The following GOLGB1 variants were observed in gnomAD, a reference collection of about 807,000 sequenced individuals.
GOLGB1 encodes the protein golgin subfamily B member 1.
In GOLGB1, 174 loss-of-function variants were observed where a neutral mutation model predicts 336.9. The observed-to-expected ratio is 0.52, with a 90% CI of 0.46 to 0.59. The LOEUF is 0.59. GOLGB1 is among the 20% of genes least tolerant of loss of function. The pLI, the probability that GOLGB1 is intolerant of heterozygous loss-of-function variation, is 0.00. For missense variants in GOLGB1, 3,331 were observed against 3,645.3 expected, an observed-to-expected ratio of 0.91 and a Z score of 2.22; for synonymous variants, 1,208 against 1,289.2, an observed-to-expected ratio of 0.94 and a Z score of 1.35.
chr3:121,698,745 G>C lies in GOLGB1; in HGVS notation c.1778C>G (p.Ala593Gly), dbSNP rs370176355. The C allele has an allele frequency of 8.7e-6, 14 of 1,613,128 alleles. No homozygotes were observed. In the African/African-American group the frequency reaches 1.6e-4, roughly 18 times the overall value. ...TTTCTGGTCAAGGACCTCATGATCT[G>C]CTTCCTCAGCCCTTTTTCCCTGGAG... The part of the protein sequence containing the change: ...LQLQGKRAEE[A>G]DHEVLDQKEM... Residue 593 changes from alanine to glycine, a missense_variant, in exon 13 of 22, where the codon GCA becomes GGA. Ala to Gly is a moderately conservative substitution (Grantham distance 60). Coordinates refer to ENST00000614479, the MANE Select transcript of GOLGB1 (RefSeq NM_001366282.2).
In GOLGB1 at chr3:121,694,618, A is replaced by G. The variant is rs535574194; in HGVS notation, c.5905T>C (p.Cys1969Arg). Residue 1969 changes from cysteine to arginine, a missense_variant, in exon 13 of 22, where the codon TGT becomes CGT. By Grantham distance (180) the Cys-to-Arg change is radical. Transcript: ENST00000614479. ...LESEMKNLKKCVSELEEEKQQ... is the reference protein window; with the variant it reads ...LESEMKNLKKRVSELEEEKQQ... ...TTTTCTTCTTCCAATTCACTCACAC[A>G]CTTTTTAAGGTTCTTCATTTCAGAT... 4.3e-6 allele frequency: 7 copies of G among 1,611,814 alleles called. No individual in the cohort carries two copies. Among genetic ancestry groups the G allele is most frequent in the South Asian group, 3.3e-5 (3 of 91,012 alleles).
chr3:121,718,660 G>C (rs1252823759), intron 7 of GOLGB1, among the ~76,000 whole-genome samples, 159 bp from the exon 8 acceptor site: 1 of 152,106 alleles, frequency 6.6e-6, no homozygotes, highest in Non-Finnish European at 1.5e-5. Flanking sequence ...CCCCCATCCA[G>C]CAGCAACGAA....
rs138491914 is a variant in GOLGB1 at position 121,678,162 on chromosome 3, G to A, written c.8874-712C>T. Among the ~76,000 whole-genome samples, 13 of 152,144 alleles carry A rather than the reference G, an allele frequency of 8.5e-5. No individual in the cohort carries two copies. In the East Asian group the frequency reaches 2.3e-3, roughly 27 times the overall value. On this transcript the variant is annotated intron_variant, in intron 15 of 21. Transcript: ENST00000614479. The stretch of plus-strand genomic sequence containing the variant: ...AAAAAATTTGTTCTTGTATTATCTG[G>A]GGAAGCTGCCAACTCCATGCAATGA...
chr3:121,697,073 CACT>C lies in GOLGB1; in HGVS notation c.3447_3449del (p.Val1151del). 1 of 1,613,998 alleles carries C rather than the reference CACT, an allele frequency of 6.2e-7. No homozygotes were observed. The highest frequency in any genetic ancestry group is 8.5e-7 in the Non-Finnish European group (1 of 1,179,922). Reference sequence around the variant, plus strand: ...TACCTGTACAAGGTGGACTTATCACCACTGTTTCCTTTACAAGTGCTACGGAGT... The same window carrying C: ...TACCTGTACAAGGTGGACTTATCACCGTTTCCTTTACAAGTGCTACGGAGT... On this transcript the variant is annotated inframe_deletion, in exon 13 of 22. Transcript: ENST00000614479.
chr3:121,714,588 T>C (rs1416805588), intron 10 of GOLGB1, among the ~76,000 whole-genome samples: 9 of 152,126 alleles, frequency 5.9e-5, no homozygotes, highest in Non-Finnish European at 2.9e-5. Flanking sequence ...ATGATTCATC[T>C]CCGATACAAA....
At chr3:121,733,886 T>C (rs1946292846) in intron 1 of GOLGB1, among the ~76,000 whole-genome samples, 1 of 152,340 alleles carries the variant, frequency 6.6e-6, no homozygotes, top group South Asian at 2.1e-4. Flanking sequence ...TCACACCTTA[T>C]ACAAAGCATA....
At chr3:121,741,556 T>C (rs1162348155) in intron 1 of GOLGB1, among the ~76,000 whole-genome samples, 1 of 152,218 alleles carries the variant, frequency 6.6e-6, no homozygotes, top group African/African-American at 2.4e-5. Flanking sequence ...GATTACTATA[T>C]GTGAAATGTA....
At chr3:121,730,812 T>A (rs1297881094) in intron 2 of GOLGB1, 64 bp downstream of exon 2, 4 of 1,511,336 alleles carry the variant, frequency 2.6e-6, no homozygotes, top group Non-Finnish European at 3.5e-6. Context: ...TATCTTAAAT[T>A]ATTTTCCTTA....
chr3:121,723,499 C>T (rs1286499572), intron 5 of GOLGB1, among the ~76,000 whole-genome samples: 3 of 152,100 alleles, frequency 2.0e-5, no homozygotes, highest in Non-Finnish European at 2.9e-5. Flanking sequence ...AATTATTTTC[C>T]AAGTTCAAAA....
intron 17 of GOLGB1, among the ~76,000 whole-genome samples, chr3:121,674,484 T>A (rs1375288687): frequency 2.6e-5 from 4 of 152,258 alleles, no homozygotes; most frequent in Admixed American, 2.0e-4. Flanking sequence ...TTTTTAAAAT[T>A]CATGTTTTCC....
chr3:121,702,483 T>A lies in GOLGB1; in HGVS notation c.1517A>T (p.Asn506Ile). 1.4e-6 allele frequency: 2 copies of A among 1,427,310 alleles called. No homozygotes were observed. The highest frequency in any genetic ancestry group is 5.2e-5 in the East Asian group (2 of 38,196). 88.4% of individuals were successfully genotyped at this position (1,427,310 alleles called of 1,614,324 possible). The change falls in exon 11 of 22, where the codon AAT becomes ATT. Residue 506 changes from asparagine (N) to isoleucine (I), a missense_variant and splice_region_variant. Transcript: ENST00000614479. ...SIELEELKAE[N>I]EKLSSQITLL... ...TTATGGTTTTCTTTTATACATACCA[T>A]TCTCAGCTTTCAGCTCCTCCAGCTC...
chr3:121,720,247 T>C (rs753669848), intron 6 of GOLGB1, among the ~76,000 whole-genome samples: 2 of 152,186 alleles, frequency 1.3e-5, no homozygotes, highest in African/African-American at 2.4e-5. Flanking sequence ...TACCAATCTA[T>C]CTTTCTAGTC....
At chr3:121,707,237 A>AC (rs1357437074) in intron 10 of GOLGB1, among the ~76,000 whole-genome samples, 1 of 150,850 alleles carries the variant, frequency 6.6e-6, no homozygotes. Flanking sequence ...AAAAAAAAAA[A>AC]AAAAACAAAA....
At chr3:121,722,212 T>C (rs1204481188) in intron 6 of GOLGB1, 50 bp downstream of exon 6, 1 of 1,003,474 alleles carries the variant, frequency 1.0e-6, no homozygotes, top group East Asian at 2.4e-5. Flanking sequence ...TTGTGCGTAA[T>C]AACCCACTGG....
At chr3:121,699,971 A>G in intron 11 of GOLGB1, 86 bp from the exon 12 acceptor site, 1 of 774,910 alleles carries the variant, frequency 1.3e-6, no homozygotes, top group Non-Finnish European at 2.1e-6. Context: ...TTTGAATTGT[A>G]TGAAATAATT....
chr3:121,692,790 G>C (rs1486419999), intron 13 of GOLGB1, among the ~76,000 whole-genome samples: 2 of 152,070 alleles, frequency 1.3e-5, no homozygotes, highest in Non-Finnish European at 2.9e-5. Context: ...CATACTTAAG[G>C]GTTCATATAT....
rs765161205 is a variant in GOLGB1 at position 121,695,403 on chromosome 3, T to G, written c.5120A>C (p.Glu1707Ala). Residue 1707 changes from glutamate (E) to alanine (A), a missense_variant, in exon 13 of 22, where the codon GAG becomes GCG. By Grantham distance (107) the Glu-to-Ala change is moderately radical. Transcript: ENST00000614479. Reference sequence around the variant, plus strand: ...AGCTGTATCTCCTGCAGGGTGCACCTCTGCCCTAAGCCGGTCATTCTCTTC... The same window carrying G: ...AGCTGTATCTCCTGCAGGGTGCACCGCTGCCCTAAGCCGGTCATTCTCTTC... ...LEEENDRLRAEVHPAGDTAKE... is the reference protein window; with the variant it reads ...LEEENDRLRAAVHPAGDTAKE... 3.7e-6 allele frequency: 6 copies of G among 1,613,552 alleles called. No individual in the cohort carries two copies. In the South Asian group the frequency reaches 6.6e-5, roughly 18 times the overall value.
Position 121,693,854 on chromosome 3 carries a change from C to T in GOLGB1, c.6669G>A (p.Ala2223=), listed in dbSNP as rs1163280233. The T allele has an allele frequency of 2.0e-5, 33 of 1,613,418 alleles. No homozygotes were observed. Among genetic ancestry groups the T allele is most frequent in the African/African-American group, 8.0e-5 (6 of 74,902 alleles). Residue 2223 remains alanine (A), a synonymous_variant, in exon 13 of 22, where the codon GCG becomes GCA. Transcript: ENST00000614479. The part of the protein sequence containing the change: ...AKKWERKFSD[A]IQSKEEEIRL... ...TAATTTCTTCTTCTTTGCTTTGAAT[C>T]GCATCACTAAACTTCCTCTCCCATT...
chr3:121,707,236 A>AAC (rs1302147127), intron 10 of GOLGB1, among the ~76,000 whole-genome samples: 4 of 150,248 alleles, frequency 2.7e-5, no homozygotes, highest in Non-Finnish European at 5.9e-5. Flanking sequence ...AAAAAAAAAA[A>AAC]AAAAAACAAA....
Sources: gnomAD v4.1 joint callset for allele counts (sites outside exome capture counted in the v4.1 genomes callset) on GRCh38, gnomAD v4.1.1 for gene constraint, MANE v1.5 for transcripts, NCBI Gene and HGNC (gene_info 2026-07-23, HGNC 2026-07-21) for gene names.